Variants in DOCK4 observed in about 807,000 individuals in gnomAD.
DOCK4 encodes dedicator of cytokinesis protein 4.
A neutral mutation model predicts 268.1 loss-of-function variants in DOCK4; 97 were observed. The observed-to-expected ratio is 0.36, with a 90% confidence interval of 0.31 to 0.43. The LOEUF (loss-of-function observed/expected upper bound fraction) is 0.43, where lower values mean the gene tolerates loss of function less well. Among genes scored for constraint, DOCK4 ranks in the 20% least tolerant of loss-of-function variants. The probability of loss-of-function intolerance (pLI) is 1.00; values close to 1 mark genes in which losing one functional copy is unlikely to be tolerated. For missense variants in DOCK4, 2,145 were observed against 2,455.7 expected (o/e 0.87, Z 2.67); for synonymous variants, 954 against 887.2 (o/e 1.08, Z -1.34).
At chr7:111,771,822 G>GC (rs1392659127) in intron 36 of DOCK4, among the ~76,000 whole-genome samples, 1 of 152,136 alleles carries the variant, frequency 6.6e-6, no homozygotes, top group African/African-American at 2.4e-5. Flanking sequence ...CACAGCTTGT[G>GC]CCTGCAAGAC....
intron 1 of DOCK4, among the ~76,000 whole-genome samples, chr7:112,148,731 G>A (rs576782623): frequency 6.6e-6 from 1 of 152,146 alleles, no homozygotes; most frequent in African/African-American, 2.4e-5. Flanking sequence ...GAATTCTAGC[G>A]ATGGGCTTTT....
intron 44 of DOCK4, 120 bp from the exon 45 acceptor site, chr7:111,742,252 G>C: frequency 1.9e-6 from 2 of 1,070,296 alleles, no homozygotes; most frequent in Non-Finnish European, 2.5e-6. Flanking sequence ...CTCTGCCTCT[G>C]ACAAGGTAGG....
chr7:111,854,687 G>C (rs1259671509), intron 23 of DOCK4, among the ~76,000 whole-genome samples: 1 of 152,126 alleles, frequency 6.6e-6, no homozygotes, highest in Non-Finnish European at 1.5e-5. Flanking sequence ...CAGCTATTCA[G>C]TAGCTTTTGC....
intron 1 of DOCK4, among the ~76,000 whole-genome samples, chr7:112,028,811 G>A (rs1457118392): frequency 6.6e-6 from 1 of 152,156 alleles, no homozygotes; most frequent in Non-Finnish European, 1.5e-5. Context: ...GGTTCCCTTT[G>A]TCCATTTCTC....
At chr7:111,912,146 C>A (rs1792156271) in intron 13 of DOCK4, among the ~76,000 whole-genome samples, 1 of 152,146 alleles carries the variant, frequency 6.6e-6, no homozygotes, top group African/African-American at 2.4e-5. Flanking sequence ...CATTTTAGGT[C>A]TTTATTCATA....
chr7:111,914,533 T>C (rs954237749), intron 13 of DOCK4, among the ~76,000 whole-genome samples: 5 of 152,218 alleles, frequency 3.3e-5, no homozygotes, highest in Non-Finnish European at 7.3e-5. Context: ...GTTAGCCTTC[T>C]TGCAGTTCCT....
chr7:111,870,714 G>C (rs1395072407), intron 20 of DOCK4, among the ~76,000 whole-genome samples: 1 of 152,134 alleles, frequency 6.6e-6, no homozygotes, highest in East Asian at 1.9e-4. Context: ...TGTTGGTGGA[G>C]TGCTATTTTT....
Position 111,735,080 on chromosome 7 carries a change from G to T in DOCK4, c.5393C>A (p.Pro1798His), listed in dbSNP as rs747730810. Reference protein sequence around the residue: ...MSDSGKLISPPVPPRPTQTAS... With the variant: ...MSDSGKLISPHVPPRPTQTAS... ...AGTCTGTGTGGGTCTTGGAGGGACA[G>T]GGGGAGAGATAAGTTTCCCACTATC... Residue 1798 changes from proline (P) to histidine (H), a missense_variant, in exon 51 of 53, where the codon CCT becomes CAT. Coordinates refer to ENST00000428084, the MANE Select transcript of DOCK4 (RefSeq NM_001363540.2). The T allele has an allele frequency of 4.4e-6, 7 of 1,597,582 alleles. No homozygotes were observed. In the Admixed American group the frequency reaches 7.0e-5, roughly 16 times the overall value.
intron 11 of DOCK4, among the ~76,000 whole-genome samples, chr7:111,937,038 T>C (rs1586431572): frequency 6.6e-6 from 1 of 152,230 alleles, no homozygotes; most frequent in Admixed American, 6.5e-5. Context: ...GAAAGAAAGA[T>C]GGCTTGCTTC....
In DOCK4 at chr7:112,206,218, G is replaced by C; in HGVS notation, c.-80C>G. The stretch of plus-strand genomic sequence containing the variant: ...GCTCACAACAATGCACAGTCCCCGA[G>C]CAGCGCTGCAGTGCCGGAGCCCAGC... On this transcript the variant is annotated 5_prime_UTR_variant, in exon 1 of 53. Coordinates refer to ENST00000428084, the MANE Select transcript of DOCK4 (RefSeq NM_001363540.2). 6.9e-7 allele frequency: 1 copy of C among 1,449,938 alleles called. No homozygotes were observed. The highest frequency in any genetic ancestry group is 9.5e-7 in the Non-Finnish European group (1 of 1,056,928). 89.8% of individuals were successfully genotyped at this position (1,449,938 alleles called of 1,614,324 possible).
At chr7:112,186,231 T>G (rs917340804) in intron 1 of DOCK4, among the ~76,000 whole-genome samples, 1 of 152,236 alleles carries the variant, frequency 6.6e-6, no homozygotes, top group Non-Finnish European at 1.5e-5. Flanking sequence ...ATATTTACTA[T>G]GAATTTTGTC....
At chr7:111,863,075 A>C (rs1052600856) in intron 23 of DOCK4, 1 of 304,638 alleles carries the variant, frequency 3.3e-6, no homozygotes, top group African/African-American at 2.2e-5. Flanking sequence ...TTTTAAAAAC[A>C]AAAGAGAAAA....
At chr7:112,147,790 C>T (rs1055358139) in intron 1 of DOCK4, among the ~76,000 whole-genome samples, 6 of 127,540 alleles carry the variant, frequency 4.7e-5, no homozygotes, top group East Asian at 2.4e-4. Context: ...CAGGAGCAAA[C>T]GTAGATTTTT....
chr7:111,974,492 ATGTGTGTGTGTG>A (rs59409689), intron 8 of DOCK4, among the ~76,000 whole-genome samples: 9,186 of 84,360 alleles, frequency 0.11, 587 homozygotes, highest in East Asian at 0.35. Flanking sequence ...TTGAAGAGGG[ATGTGTGTGTGTG>A]TGTGTGTGTG....
At chr7:111,745,860 T>G (rs2133470016) in intron 44 of DOCK4, among the ~76,000 whole-genome samples, 1 of 152,186 alleles carries the variant, frequency 6.6e-6, no homozygotes, top group African/African-American at 2.4e-5. Context: ...GCCTTTTGAA[T>G]GCCAACATCC....
intron 1 of DOCK4, among the ~76,000 whole-genome samples, chr7:112,112,311 G>A (rs151318014): frequency 6.6e-6 from 1 of 152,178 alleles, no homozygotes; most frequent in Non-Finnish European, 1.5e-5. Context: ...TTCACCTTCC[G>A]CCATGGTTGT....
chr7:112,204,365 G>A (rs1821193875), intron 1 of DOCK4, among the ~76,000 whole-genome samples: 1 of 152,192 alleles, frequency 6.6e-6, no homozygotes, highest in African/African-American at 2.4e-5. Flanking sequence ...TGCCTGGATG[G>A]ATCTGAGCTT....
Position 111,740,020 on chromosome 7 carries a change from G to A in DOCK4, c.5041-543C>T, listed in dbSNP as rs116593104. On this transcript the variant is annotated intron_variant, in intron 47 of 52. Coordinates refer to ENST00000428084, the MANE Select transcript of DOCK4 (RefSeq NM_001363540.2). ...AATCCCTAAAAACTACATTTTTCTTGTATAAAAAAAATACCTTTGGAAACT... is the reference window on the plus strand; with the variant it reads ...AATCCCTAAAAACTACATTTTTCTTATATAAAAAAAATACCTTTGGAAACT... 1,202 of 337,860 alleles carry A rather than the reference G, an allele frequency of 3.6e-3. 20 individuals carry two copies. The highest frequency in any genetic ancestry group is 0.025 in the African/African-American group (1,108 of 44,590). 20.9% of individuals were successfully genotyped at this position (337,860 alleles called of 1,614,324 possible).
At chr7:111,752,962 T>G (rs1796774820) in intron 42 of DOCK4, among the ~76,000 whole-genome samples, 1 of 133,546 alleles carries the variant, frequency 7.5e-6, no homozygotes, top group Non-Finnish European at 1.6e-5. Context: ...GAGGAAACAA[T>G]AGTTCAAAGG....
Sources: allele counts gnomAD v4.1 joint callset (sites outside exome capture counted in the v4.1 genomes callset), GRCh38; gene constraint gnomAD v4.1.1; transcripts MANE v1.5; gene names NCBI Gene and HGNC (gene_info 2026-07-23, HGNC 2026-07-21).